The following PCDHGA3 variants were observed in gnomAD, a reference collection of about 807,000 sequenced individuals.
PCDHGA3 encodes protocadherin gamma-A3.
Under a neutral mutation model 58.5 loss-of-function variants are expected in PCDHGA3, and 40 were observed. The ratio of observed to expected loss-of-function variants is 0.68; its 90% CI spans 0.53 to 0.89. PCDHGA3 has a LOEUF of 0.89. Ranked by LOEUF, PCDHGA3 falls within the 40% of genes least tolerant of loss-of-function variation. The pLI is 0.00. For synonymous variants in PCDHGA3, 530 were observed against 525.7 expected (o/e 1.01, Z -0.11); for missense variants, 1,223 against 1,195.9 (o/e 1.02, Z -0.33).
intron 1 of PCDHGA3, among the ~76,000 whole-genome samples, chr5:141,470,997 A>G (rs905897657): frequency 3.8e-4 from 57 of 150,462 alleles, no homozygotes; most frequent in African/African-American, 1.3e-3. Flanking sequence ...GACTACAGGC[A>G]TGAGCCACTG....
At chr5:141,422,217 C>T (rs1207888890) in intron 1 of PCDHGA3, 2 of 1,563,582 alleles carry the variant, frequency 1.3e-6, no homozygotes, top group Admixed American at 2.0e-5. Context: ...GTCTCTTTAC[C>T]ACCACGACGA....
At chr5:141,371,025 G>A (rs752262300) in intron 1 of PCDHGA3, 1 of 1,613,988 alleles carries the variant, frequency 6.2e-7, no homozygotes, top group Non-Finnish European at 8.5e-7. Flanking sequence ...TCACCACCTG[G>A]TCCTCACAGC....
intron 1 of PCDHGA3, chr5:141,372,537 C>T: frequency 1.2e-6 from 2 of 1,614,046 alleles, no homozygotes; most frequent in Non-Finnish European, 1.7e-6. Flanking sequence ...CTCCCTGCGC[C>T]TGCGATGCTC....
intron 1 of PCDHGA3, chr5:141,351,867 C>A: frequency 1.2e-6 from 2 of 1,613,254 alleles, no homozygotes; most frequent in Non-Finnish European, 1.7e-6. Context: ...CAGGGCTCCC[C>A]CGCGCTCAGC....
chr5:141,421,358 C>T (rs2096566137), intron 1 of PCDHGA3: 1 of 1,613,870 alleles, frequency 6.2e-7, no homozygotes, highest in Non-Finnish European at 8.5e-7. Context: ...GAAAAGGGCT[C>T]CTTCGTGGGC....
chr5:141,397,047 G>T (rs180929307), intron 1 of PCDHGA3, among the ~76,000 whole-genome samples: 4 of 152,276 alleles, frequency 2.6e-5, no homozygotes, highest in Admixed American at 2.0e-4. Flanking sequence ...TTATGTAAAT[G>T]AACTTATGAG....
At chr5:141,403,403 C>T in intron 1 of PCDHGA3, 5 of 1,614,066 alleles carry the variant, frequency 3.1e-6, no homozygotes, top group Non-Finnish European at 4.2e-6. Context: ...TCCTGGAGCA[C>T]GTTATCCACT....
chr5:141,468,433 A>G (rs2099167290), intron 1 of PCDHGA3: 1 of 152,202 alleles, frequency 6.6e-6, no homozygotes, highest in Non-Finnish European at 1.5e-5. Context: ...GGTAATAGCA[A>G]AATGTGGGTG....
At chr5:141,434,223 A>G (rs1164673241) in intron 1 of PCDHGA3, among the ~76,000 whole-genome samples, 1 of 152,214 alleles carries the variant, frequency 6.6e-6, no homozygotes, top group Non-Finnish European at 1.5e-5. Context: ...TAAACAAAGT[A>G]CGATTTCTGG....
intron 1 of PCDHGA3, chr5:141,378,041 T>C (rs1774568031): frequency 6.6e-6 from 1 of 152,220 alleles, no homozygotes; most frequent in Admixed American, 6.5e-5. Flanking sequence ...AACAAGACTT[T>C]CCTTATCTAT....
At chr5:141,362,220 C>G in intron 1 of PCDHGA3, 1 of 1,614,046 alleles carries the variant, frequency 6.2e-7, no homozygotes, top group Non-Finnish European at 8.5e-7. Context: ...TGGTTGTGGC[C>G]TTGGCCTTGA....
At chr5:141,419,034 T>C in intron 1 of PCDHGA3, 1 of 1,613,902 alleles carries the variant, frequency 6.2e-7, no homozygotes, top group Non-Finnish European at 8.5e-7. Flanking sequence ...GGTGTTCCAT[T>C]TAAGATTCAT....
At chr5:141,428,358 G>A in intron 1 of PCDHGA3, 2 of 565,492 alleles carry the variant, frequency 3.5e-6, no homozygotes, top group South Asian at 1.9e-5. Context: ...TGATTTTGGC[G>A]GTCGCCTTGC....
At chr5:141,358,140 A>G (rs1292442005) in intron 1 of PCDHGA3, among the ~76,000 whole-genome samples, 1 of 152,232 alleles carries the variant, frequency 6.6e-6, no homozygotes. Flanking sequence ...CAATGAGCTG[A>G]GATCATGACA....
chr5:141,375,599 T>A (rs1352335566), intron 1 of PCDHGA3: 1 of 1,614,126 alleles, frequency 6.2e-7, no homozygotes, highest in East Asian at 2.2e-5. Context: ...CTCCTACGTG[T>A]CCATCAACTC....
rs746408347 is a variant in PCDHGA3 at position 141,486,293 on chromosome 5, G to A, written c.2425-8514G>A. ...TGGCACTGTGGTGGCACTTATCAGT[G>A]TGCAGGATCCAGACTCAGGGTCAAA... On this transcript the variant is annotated intron_variant, in intron 1 of 3. Transcript: ENST00000253812. This position sits in a 1 kb window ranked among gnomAD's most constrained non-coding sequence, Gnocchi z 5.0. The A allele has an allele frequency of 3.1e-6, 5 of 1,614,018 alleles. No homozygotes were observed. In the Admixed American group the frequency reaches 8.3e-5, roughly 27 times the overall value.
In PCDHGA3 at chr5:141,477,868, C is replaced by T. The variant is rs1450078298; in HGVS notation, c.2425-16939C>T. 2 of 1,613,750 alleles carry T rather than the reference C, an allele frequency of 1.2e-6. No individual in the cohort carries two copies. Among genetic ancestry groups the T allele is most frequent in the Admixed American group, 3.3e-5 (2 of 59,988 alleles). On this transcript the variant is annotated intron_variant, in intron 1 of 3. Coordinates refer to ENST00000253812, the MANE Select transcript of PCDHGA3 (RefSeq NM_018916.4). This position sits in a 1 kb window ranked among gnomAD's most constrained non-coding sequence, Gnocchi z 4.9. ...CGGTGGAGATGCTGCCTCGAGGTAC[C>T]TCAGCTGGCCACCTAGTGTCACGGG...
At chr5:141,389,572 C>T in intron 1 of PCDHGA3, 3 of 1,613,282 alleles carry the variant, frequency 1.9e-6, no homozygotes, top group Non-Finnish European at 2.5e-6. Flanking sequence ...GTGCTGTACC[C>T]CGCGCTGGGT....
intron 1 of PCDHGA3, chr5:141,410,800 T>G: frequency 1.5e-6 from 1 of 678,550 alleles, no homozygotes. Context: ...TAAGTTGCTC[T>G]ATCTTTTTGT....
Sources: gnomAD v4.1 joint callset for allele counts (sites outside exome capture counted in the v4.1 genomes callset) on GRCh38, gnomAD v4.1.1 for gene constraint, Gnocchi (gnomAD v3.1) non-coding constraint, MANE v1.5 for transcripts, NCBI Gene and HGNC (gene_info 2026-07-23, HGNC 2026-07-21) for gene names.